Variants in CBFA2T3 observed in about 807,000 individuals in gnomAD.
The protein encoded by CBFA2T3 is CBFA2/RUNX1 partner transcriptional co-repressor 3.
In CBFA2T3, 31 loss-of-function variants were observed where a neutral mutation model predicts 58.6. The ratio of observed to expected loss-of-function variants is 0.53; its 90% CI spans 0.40 to 0.71. The LOEUF is 0.71. Among genes scored for constraint, CBFA2T3 ranks in the 30% least tolerant of loss-of-function variants. The pLI is 0.00. For synonymous variants in CBFA2T3, 531 were observed against 421.9 expected (o/e 1.26, Z -3.17); for missense variants, 1,076 against 963.1 (o/e 1.12, Z -1.55).
At position 88,962,536 on chromosome 16, in the gene CBFA2T3, G is replaced by A. The variant is rs183621530; in HGVS notation, c.151+14121C>T. 9.8e-5 allele frequency among the ~76,000 whole-genome samples: 15 copies of A among 152,322 alleles called. No individual in the cohort carries two copies. In the East Asian group the frequency reaches 2.5e-3, roughly 25 times the overall value. On this transcript the variant is annotated intron_variant, in intron 1 of 11. Transcript: ENST00000268679. The stretch of plus-strand genomic sequence containing the variant: ...TGCCTGTCGTGAGTCCCGAAGGAGA[G>A]GCCCAGGGCCCAGGCCACTCTGCAC...
intron 9 of CBFA2T3, 185 bp downstream of exon 9, chr16:88,881,106 C>T (rs745768757): frequency 5.4e-5 from 39 of 728,570 alleles, no homozygotes; most frequent in South Asian, 1.8e-4. Context: ...GCCCACCAGA[C>T]GCTCTGAGCT....
rs563235553 is a variant in CBFA2T3 at position 88,884,791 on chromosome 16, A to C, written c.1117+255T>G. 412 of 424,572 alleles carry C rather than the reference A, an allele frequency of 9.7e-4. 8 individuals are homozygous for C. The South Asian group carries it at 0.018, about 18-fold the overall frequency. The allele number at this position is 424,572 out of a possible 1,614,324, so 26.3% of individuals were successfully genotyped here. ...GGACTGTGGGAATCGCCAAGCTCGG[A>C]TGAGAACCACGTGGGCAGTTCCAGG... is the stretch of plus-strand genomic sequence containing the variant. On this transcript the variant is annotated intron_variant, in intron 7 of 11. Transcript: ENST00000268679.
intron 1 of CBFA2T3, among the ~76,000 whole-genome samples, chr16:88,917,490 G>A (rs1369677262): frequency 6.6e-6 from 1 of 152,214 alleles, no homozygotes; most frequent in African/African-American, 2.4e-5. Flanking sequence ...GAAACCCCTG[G>A]AAACCTGAGG....
intron 3 of CBFA2T3, among the ~76,000 whole-genome samples, chr16:88,894,575 C>A (rs1567587766): frequency 6.7e-6 from 1 of 149,768 alleles, no homozygotes; most frequent in Non-Finnish European, 1.5e-5. Flanking sequence ...CATGCACACA[C>A]ACATGCATAC....
chr16:88,969,752 G>A lies in CBFA2T3; in HGVS notation c.151+6905C>T, dbSNP rs551988009. 1.7e-3 allele frequency among the ~76,000 whole-genome samples: 254 copies of A among 152,300 alleles called. 1 individual carries two copies. The South Asian group carries it at 0.025, about 15-fold the overall frequency. ...TGCCAGGGTGCGAGTGGCAGGTGCC[G>A]GGGGGCAGGTGCTGGGGCTCCCGGT... On this transcript the variant is annotated intron_variant, in intron 1 of 11. Transcript: ENST00000268679.
chr16:88,971,812 A>C (rs113826479), intron 1 of CBFA2T3, among the ~76,000 whole-genome samples: 147 of 152,132 alleles, frequency 9.7e-4, no homozygotes, highest in African/African-American at 3.4e-3. Flanking sequence ...AGCTGTGACC[A>C]ATCGGCCTCT....
chr16:88,882,082 C>T (rs952082342), intron 8 of CBFA2T3, among the ~76,000 whole-genome samples: 2 of 152,330 alleles, frequency 1.3e-5, no homozygotes, highest in South Asian at 4.1e-4. Context: ...TTTTAGGAAT[C>T]CTCCTCCCTG....
intron 1 of CBFA2T3, among the ~76,000 whole-genome samples, chr16:88,932,360 T>C (rs2911446): frequency 0.11 from 16,749 of 151,796 alleles, 2,112 homozygotes; most frequent in African/African-American, 0.31. Context: ...TTAAGCTGGG[T>C]GCAGCGGCTC....
chr16:88,892,584 T>A, intron 3 of CBFA2T3, 99 bp from the exon 4 acceptor site: 2 of 1,358,534 alleles, frequency 1.5e-6, no homozygotes, highest in Non-Finnish European at 2.1e-6. Flanking sequence ...GGTGACAATG[T>A]CAAAAGTGAC....
At chr16:88,915,083 C>T (rs531514012) in intron 1 of CBFA2T3, among the ~76,000 whole-genome samples, 6 of 151,454 alleles carry the variant, frequency 4.0e-5, no homozygotes, top group Admixed American at 2.0e-4. Context: ...CTGGGGGTAG[C>T]GGGTCCCTTC....
chr16:88,961,235 C>CA (rs975664566), intron 1 of CBFA2T3, among the ~76,000 whole-genome samples: 5 of 152,274 alleles, frequency 3.3e-5, no homozygotes, highest in Admixed American at 2.0e-4. Flanking sequence ...GGTTCCCAGA[C>CA]AGGGGGCGCA....
intron 3 of CBFA2T3, 86 bp from the exon 4 acceptor site, chr16:88,892,571 TA>T: frequency 1.4e-6 from 2 of 1,444,752 alleles, no homozygotes; most frequent in Non-Finnish European, 1.9e-6. Context: ...AAGCAGCGAC[TA>T]AGGTGACAAT....
At chr16:88,882,596 CTGTG>C in intron 8 of CBFA2T3, 76 bp downstream of exon 8, 1 of 764,364 alleles carries the variant, frequency 1.3e-6, no homozygotes, top group South Asian at 1.6e-5. Context: ...GTGTGCATGG[CTGTG>C]TGTGCGTGGC....
intron 5 of CBFA2T3, among the ~76,000 whole-genome samples, chr16:88,888,092 G>C (rs894925974): frequency 6.6e-6 from 1 of 152,058 alleles, no homozygotes; most frequent in Non-Finnish European, 1.5e-5. Context: ...GGAGCTCCGG[G>C]TGAATCAGCT....
At chr16:88,904,906 C>A (rs1970245853) in intron 1 of CBFA2T3, among the ~76,000 whole-genome samples, 1 of 152,182 alleles carries the variant, frequency 6.6e-6, no homozygotes, top group African/African-American at 2.4e-5. Context: ...TCCCCACGCC[C>A]TGCCTTGGCA....
intron 5 of CBFA2T3, among the ~76,000 whole-genome samples, chr16:88,890,002 G>A (rs1236373574): frequency 1.5e-5 from 2 of 132,976 alleles, no homozygotes; most frequent in Non-Finnish European, 1.6e-5. Context: ...TCCAGGGGAC[G>A]TTTCAAATCC....
At chr16:88,890,340 C>T (rs1354516915) in intron 5 of CBFA2T3, among the ~76,000 whole-genome samples, 1 of 152,224 alleles carries the variant, frequency 6.6e-6, no homozygotes, top group Non-Finnish European at 1.5e-5. Flanking sequence ...TGCTAAGTGG[C>T]AGGCTCGGGC....
chr16:88,976,883 C>T lies in CBFA2T3; in HGVS notation c.-76G>A, dbSNP rs1298822450. 3.4e-6 allele frequency: 5 copies of T among 1,481,890 alleles called. No individual in the cohort carries two copies. Among genetic ancestry groups the T allele is most frequent in the Admixed American group, 2.2e-5 (1 of 45,444 alleles). 91.8% of individuals were successfully genotyped at this position (1,481,890 alleles called of 1,614,324 possible). A position where few individuals can be genotyped will look rare whatever the true frequency, so the allele number is the denominator to read the frequency against. ...CAGGACTGCCTTTCCCGACCTCCTG[C>T]AGCCTTGAGGGAAAGAGGAGGGGCT... On this transcript the variant is annotated 5_prime_UTR_variant, in exon 1 of 12. Transcript: ENST00000268679.
chr16:88,880,905 G>A (rs535848539), intron 9 of CBFA2T3, 117 bp from the exon 10 acceptor site: 218 of 953,034 alleles, frequency 2.3e-4, no homozygotes, highest in Non-Finnish European at 3.1e-4. Context: ...CGTCCCTGGG[G>A]GGAGGCCCAG....
Sources: allele counts gnomAD v4.1 joint callset (sites outside exome capture counted in the v4.1 genomes callset), GRCh38; gene constraint gnomAD v4.1.1; transcripts MANE v1.5; gene names NCBI Gene and HGNC (gene_info 2026-07-23, HGNC 2026-07-21).